NES: variants seen among roughly 807,000 people sequenced by gnomAD.
NES encodes nestin.
A neutral mutation model predicts 35.6 loss-of-function variants in NES; 27 were observed. The ratio of observed to expected loss-of-function variants is 0.76; its 90% CI spans 0.56 to 1.04. The LOEUF is 1.04. Ranked by LOEUF, NES falls within the 50% of genes least tolerant of loss-of-function variation. The pLI is 0.00. For synonymous variants in NES, 822 were observed against 824.2 expected, an observed-to-expected ratio of 1.00 and a Z score of 0.04; for missense variants, 1,867 against 1,983.6, an observed-to-expected ratio of 0.94 and a Z score of 1.12.
Position 156,671,340 on chromosome 1 carries a change from T to C in NES, c.2848A>G (p.Arg950Gly), listed in dbSNP as rs914638179. 1.2e-6 allele frequency: 2 copies of C among 1,613,996 alleles called. No individual in the cohort carries two copies. The highest frequency in any genetic ancestry group is 1.7e-6 in the Non-Finnish European group (2 of 1,180,038). Residue 950 changes from arginine to glycine, a missense_variant, in exon 4 of 4, where the codon AGG (arginine) becomes GGG (glycine). Transcript: ENST00000368223. ...TCCTTCTCCACCGTATCTTCCCACC[T>C]CTGCACATCTGCAGACTGCGGCAGC... The part of the protein sequence containing the change: ...QELPQSADVQ[R>G]WEDTVEKDQE...
chr1:156,673,834 C>T (rs976172688), intron 2 of NES, among the ~76,000 whole-genome samples: 1 of 152,124 alleles, frequency 6.6e-6, no homozygotes, highest in Non-Finnish European at 1.5e-5. Context: ...TTAGGCTAGC[C>T]TCCTCCTCCC....
At position 156,669,566 on chromosome 1, in the gene NES, T is replaced by C. The variant is rs748107921; in HGVS notation, c.4622A>G (p.Asn1541Ser). ...DIIGVNGQGP[N>S]LEGKSQHVNG... ...CACATGCTGTGACTTCCCCTCCAAGTTGGGACCCTGGCCATTAACACCAAT... is the reference window on the plus strand; with the variant it reads ...CACATGCTGTGACTTCCCCTCCAAGCTGGGACCCTGGCCATTAACACCAAT... The change falls in exon 4 of 4, where the codon AAC becomes AGC. Residue 1541 changes from asparagine (N) to serine (S), a missense_variant. Asn to Ser is a conservative substitution (Grantham distance 46, BLOSUM62 1). Transcript: ENST00000368223. 1.7e-5 allele frequency: 27 copies of C among 1,613,710 alleles called. No homozygotes were observed. The East Asian group carries it at 2.7e-4, about 16-fold the overall frequency.
Position 156,671,052 on chromosome 1 carries a change from G to C in NES, c.3136C>G (p.Gln1046Glu), listed in dbSNP as rs746404004. 6.2e-7 allele frequency: 1 copy of C among 1,613,606 alleles called. No individual in the cohort carries two copies. The highest frequency in any genetic ancestry group is 1.1e-5 in the South Asian group (1 of 91,066). ...TGGAGGCCTGGGGCCCCCACCTGTT[G>C]TGATTGCCCTTCAGGGTCCTGGAGG... is the stretch of plus-strand genomic sequence containing the variant. ...EGLQDPEGQS[Q>E]QVGAPGLQAP... Residue 1046 changes from glutamine to glutamate, a missense_variant, in exon 4 of 4, where the codon CAA (glutamine) becomes GAA (glutamate). Coordinates refer to ENST00000368223, the MANE Select transcript of NES (RefSeq NM_006617.2).
rs762441299 is a variant in NES at position 156,677,118 on chromosome 1, G to A, written c.147C>T (p.Asp49=). ...ELGGLRAQSA[D]TSWRAHADDE... is the part of the protein sequence containing the mutation. Reference sequence around the variant, plus strand: ...CGTCGGCATGCGCCCGCCAGGAGGTGTCCGCGGATTGTGCCCGGAGCCCCC... The same window carrying A: ...CGTCGGCATGCGCCCGCCAGGAGGTATCCGCGGATTGTGCCCGGAGCCCCC... Residue 49 remains aspartate, a synonymous_variant, in exon 1 of 4, where the codon GAC becomes GAT. Transcript: ENST00000368223. The surrounding 1 kb of genome is among the most constrained non-coding windows in gnomAD (Gnocchi z 4.5). 8 of 1,607,016 alleles carry A rather than the reference G, an allele frequency of 5.0e-6. No homozygotes were observed. Among genetic ancestry groups the A allele is most frequent in the Admixed American group, 1.7e-5 (1 of 59,446 alleles).
At chr1:156,674,619 CT>C (rs1051588777) in intron 2 of NES, among the ~76,000 whole-genome samples, 6 of 152,258 alleles carry the variant, frequency 3.9e-5, no homozygotes, top group African/African-American at 1.4e-4. Flanking sequence ...GAAGCCACCC[CT>C]CCTTGGTCTC....
chr1:156,673,505 A>G lies in NES; in HGVS notation c.931T>C (p.Ser311Pro), dbSNP rs760633451. The G allele has an allele frequency of 1.9e-6, 3 of 1,612,776 alleles. No homozygotes were observed. The East Asian group carries it at 6.7e-5, about 36-fold the overall frequency. The change falls in exon 3 of 4, where the codon TCC becomes CCC. Residue 311 changes from serine (S) to proline (P), a missense_variant. Physicochemically the swap from Ser to Pro is moderately conservative, Grantham distance 74. Coordinates refer to ENST00000368223, the MANE Select transcript of NES (RefSeq NM_006617.2). ...TYRTLLEAENSRLQTPGGGSK... is the reference protein window; with the variant it reads ...TYRTLLEAENPRLQTPGGGSK... Reference sequence around the variant, plus strand: ...CCACCGCCAGGTGTTTGCAGCCGGGAGTTCTCAGCCTCCAGGAGGGTCCTG... The same window carrying G: ...CCACCGCCAGGTGTTTGCAGCCGGGGGTTCTCAGCCTCCAGGAGGGTCCTG...
chr1:156,675,515 A>G (rs905867145), intron 1 of NES, among the ~76,000 whole-genome samples, 175 bp from the exon 2 acceptor site: 3 of 151,898 alleles, frequency 2.0e-5, no homozygotes, highest in Non-Finnish European at 2.9e-5. Flanking sequence ...CCCCCTCTGG[A>G]TCAGCCAAGA....
In NES at chr1:156,677,079, G is replaced by A; in HGVS notation, c.186C>T (p.Ala62=). The A allele has an allele frequency of 6.2e-7, 1 of 1,600,940 alleles. No individual in the cohort carries two copies. The highest frequency in any genetic ancestry group is 8.5e-7 in the Non-Finnish European group (1 of 1,175,202). ...WRAHADDELA[A]LRALVDQRWR... is the part of the protein sequence containing the mutation. ...AGCGTTGGTCAACGAGGGCCCGCAG[G>A]GCCGCCAGCTCGTCGTCGGCATGCG... Residue 62 remains alanine (A), a synonymous_variant, in exon 1 of 4, where the codon GCC becomes GCT. Coordinates refer to ENST00000368223, the MANE Select transcript of NES (RefSeq NM_006617.2). The surrounding 1 kb of genome is among the most constrained non-coding windows in gnomAD (Gnocchi z 4.5).
rs199586145 is a variant in NES, at chr1:156,671,804, A to G, written c.2384T>C (p.Ile795Thr). Residue 795 changes from isoleucine to threonine, a missense_variant, in exon 4 of 4, where the codon ATA (isoleucine) becomes ACA (threonine). By Grantham distance (89) the Ile-to-Thr change is moderately conservative. Transcript: ENST00000368223. ...ATTCTCATTTTCAAGAGGTCTAGCT[A>G]TCTCCTGGTCAAGAGACTTCAGTGG... ...LEPLKSLDQE[I>T]ARPLENENQE... 4.3e-6 allele frequency: 7 copies of G among 1,613,998 alleles called. No individual in the cohort carries two copies. Among genetic ancestry groups the G allele is most frequent in the Non-Finnish European group, 5.9e-6 (7 of 1,179,974 alleles).
chr1:156,671,310 C>G lies in NES; in HGVS notation c.2878G>C (p.Glu960Gln). 6.2e-7 allele frequency: 1 copy of G among 1,614,154 alleles called. No homozygotes were observed. Among genetic ancestry groups the G allele is most frequent in the South Asian group, 1.1e-5 (1 of 91,084 alleles). The change falls in exon 4 of 4, where the codon GAA (glutamate) becomes CAA (glutamine). Residue 960 changes from glutamate (E) to glutamine (Q), a missense_variant. Coordinates refer to ENST00000368223, the MANE Select transcript of NES (RefSeq NM_006617.2). ...CCAGGAGGGCTTTCCTGAGCCAGTTCTTGGTCCTTCTCCACCGTATCTTCC... is the reference window on the plus strand; with the variant it reads ...CCAGGAGGGCTTTCCTGAGCCAGTTGTTGGTCCTTCTCCACCGTATCTTCC... ...RWEDTVEKDQ[E>Q]LAQESPPGMA... is the part of the protein sequence containing the mutation.
Position 156,677,332 on chromosome 1 carries a change from C to A in NES, c.-68G>T. The stretch of plus-strand genomic sequence containing the variant: ...CGGGAGAAGGGAGCGGCTCGCAGAG[C>A]TTTTAGGACGGAAGAGAAAAGAGAC... On this transcript the variant is annotated 5_prime_UTR_variant, in exon 1 of 4. Transcript: ENST00000368223. The surrounding 1 kb of genome is among the most constrained non-coding windows in gnomAD (Gnocchi z 4.5). 2 of 981,076 alleles carry A rather than the reference C, an allele frequency of 2.0e-6. No individual in the cohort carries two copies. Among genetic ancestry groups the A allele is most frequent in the Admixed American group, 3.7e-5 (1 of 27,122 alleles). The allele number at this position is 981,076 out of a possible 1,614,324, so 60.8% of individuals were successfully genotyped here.
Position 156,669,362 on chromosome 1 carries a change from C to T in NES, c.4826G>A (p.Arg1609Lys), listed in dbSNP as rs1321862937. 2.5e-6 allele frequency: 4 copies of T among 1,600,584 alleles called. No homozygotes were observed. Among genetic ancestry groups the T allele is most frequent in the Non-Finnish European group, 2.6e-6 (3 of 1,169,896 alleles). The change falls in exon 4 of 4, where the codon AGG becomes AAG. Residue 1609 changes from arginine (R) to lysine (K), a missense_variant. Coordinates refer to ENST00000368223, the MANE Select transcript of NES (RefSeq NM_006617.2). ...GGACCAGGACTCTCTATCTCCTTCC[C>T]TCTGAGTGAACTTCAGGAACTGACC... ...GQGQFLKFTQ[R>K]EGDRESWSSG...
At position 156,673,086 on chromosome 1, in the gene NES, C is replaced by T. The variant is rs1679769908; in HGVS notation, c.1102G>A (p.Val368Met). 6.2e-7 allele frequency: 1 copy of T among 1,605,918 alleles called. No individual in the cohort carries two copies. Among genetic ancestry groups the T allele is most frequent in the Non-Finnish European group, 8.5e-7 (1 of 1,174,566 alleles). Residue 368 changes from valine (V) to methionine (M), a missense_variant, in exon 4 of 4, where the codon GTG (valine) becomes ATG (methionine). Transcript: ENST00000368223. ...SPLPATLETP[V>M]PAFLKNQEFL... ...TCTTGGTTCTTAAGAAAGGCTGGCA[C>T]AGGTGTCTCAAGGGTAGCAGGCAAG... is the stretch of plus-strand genomic sequence containing the variant.
chr1:156,672,458 C>G lies in NES; in HGVS notation c.1730G>C (p.Arg577Thr). The G allele has an allele frequency of 6.2e-7, 1 of 1,611,858 alleles. No homozygotes were observed. ...TGTTTCTAAGTCTTCTTCTAAAGAC[C>G]TCGGACATTCTTGATTCTCCCTTTC... is the stretch of plus-strand genomic sequence containing the variant. ...TLERENQECP[R>T]SLEEDLETLK... The change falls in exon 4 of 4, where the codon AGG (arginine) becomes ACG (threonine). Residue 577 changes from arginine (R) to threonine (T), a missense_variant. Transcript: ENST00000368223.
rs546009314 is a variant in NES at position 156,676,807 on chromosome 1, G to A, written c.458C>T (p.Ala153Val). Reference sequence around the variant, plus strand: ...GCAGCGGGGGGCACAGGCAGCCTGCGCGTTCAGGCCGACGCGCTCCTCCTC... The same window carrying A: ...GCAGCGGGGGGCACAGGCAGCCTGCACGTTCAGGCCGACGCGCTCCTCCTC... The part of the protein sequence containing the change: ...AHEEERVGLN[A>V]QAACAPRCPA... The change falls in exon 1 of 4, where the codon GCG becomes GTG. Residue 153 changes from alanine (A) to valine (V), a missense_variant. Coordinates refer to ENST00000368223, the MANE Select transcript of NES (RefSeq NM_006617.2). This position sits in a 1 kb window ranked among gnomAD's most constrained non-coding sequence, Gnocchi z 5.3. 3.9e-5 allele frequency: 55 copies of A among 1,415,066 alleles called. No homozygotes were observed. In the East Asian group the frequency reaches 8.2e-4, roughly 21 times the overall value. The allele number at this position is 1,415,066 out of a possible 1,614,324, so 87.7% of individuals were successfully genotyped here. A position where few individuals can be genotyped will look rare whatever the true frequency, so the allele number is the denominator to read the frequency against.
At position 156,670,885 on chromosome 1, in the gene NES, C is replaced by G; in HGVS notation, c.3303G>C (p.Pro1101=). The G allele has an allele frequency of 1.3e-6, 2 of 1,595,066 alleles. No individual in the cohort carries two copies. Among genetic ancestry groups the G allele is most frequent in the Non-Finnish European group, 1.7e-6 (2 of 1,163,696 alleles). The change falls in exon 4 of 4, where the codon CCG becomes CCC. Residue 1101 remains proline, a synonymous_variant. Coordinates refer to ENST00000368223, the MANE Select transcript of NES (RefSeq NM_006617.2). ...CCCCCAGCCCTCCCACCCCCTGCCC[C>G]GGGCCTGGCTCAGCTCCCGCAGCAG... ...GESAAGAEPG[P]GQGVGGLGDP...
chr1:156,669,558 C>A lies in NES; in HGVS notation c.4630G>T (p.Gly1544Trp), dbSNP rs554431606. 1 of 1,613,624 alleles carries A rather than the reference C, an allele frequency of 6.2e-7. No individual in the cohort carries two copies. The highest frequency in any genetic ancestry group is 1.3e-5 in the African/African-American group (1 of 75,016). ...CCCCCATTCACATGCTGTGACTTCC[C>A]CTCCAAGTTGGGACCCTGGCCATTA... ...GVNGQGPNLE[G>W]KSQHVNGGVM... Residue 1544 changes from glycine to tryptophan, a missense_variant, in exon 4 of 4, where the codon GGG (glycine) becomes TGG (tryptophan). Physicochemically the swap from Gly to Trp is radical, Grantham distance 184. Transcript: ENST00000368223.
Position 156,671,437 on chromosome 1 carries a change from C to T in NES, c.2751G>A (p.Leu917=), listed in dbSNP as rs544082434. ...CCTTTCCCAGGTTCTCTTCCTCTTC[C>T]AGATTCCTTTGACTTTCCTTGTCTA... The part of the protein sequence containing the change: ...EEVDKESQRN[L]EEEENLGKGE... The change falls in exon 4 of 4, where the codon CTG becomes CTA. Residue 917 remains leucine, a synonymous_variant. Transcript: ENST00000368223. 12 of 1,613,908 alleles carry T rather than the reference C, an allele frequency of 7.4e-6. No homozygotes were observed. The highest frequency in any genetic ancestry group is 1.0e-5 in the Non-Finnish European group (12 of 1,180,042).
Position 156,672,204 on chromosome 1 carries a change from CT to C in NES, c.1983del (p.Glu662ArgfsTer3). 6.2e-7 allele frequency: 1 copy of C among 1,608,002 alleles called. No individual in the cohort carries two copies. Among genetic ancestry groups the C allele is most frequent in the Non-Finnish European group, 8.5e-7 (1 of 1,178,462 alleles). On this transcript the variant is annotated frameshift_variant, in exon 4 of 4. Coordinates refer to ENST00000368223, the MANE Select transcript of NES (RefSeq NM_006617.2). LOFTEE classifies it low-confidence loss of function (END_TRUNC). ...AGAGCTGTCAATGACTCTAAGTTCT[CT>C]TGCAGAGAACTTACTAATTCTTGAT... ...TENQELVSSLQENLESLTALE... is the reference protein window; with the variant it reads ...TENQELVSSLXENLESLTALE...
Sources: allele counts gnomAD v4.1 joint callset (sites outside exome capture counted in the v4.1 genomes callset), GRCh38; gene constraint gnomAD v4.1.1; non-coding constraint Gnocchi (gnomAD v3.1); transcripts MANE v1.5; gene names NCBI Gene and HGNC (gene_info 2026-07-23, HGNC 2026-07-21).